The following NBAS variants were observed in gnomAD, a reference collection of about 807,000 sequenced individuals.
NBAS encodes NAG/BC035112 fusion.
NBAS carries 219 observed loss-of-function variants against 302.5 expected under a neutral mutation model. The observed-to-expected ratio is 0.72, with a 90% CI of 0.65 to 0.81. NBAS has a LOEUF of 0.81. Ranked by LOEUF, NBAS falls within the 30% of genes least tolerant of loss-of-function variation. The pLI is 0.00. For synonymous variants in NBAS, 1,118 were observed against 1,021.6 expected (o/e 1.09, Z -1.80); for missense variants, 2,932 against 2,841.6 (o/e 1.03, Z -0.72).
At chr2:15,106,777 G>T in the NBAS span, among the ~76,000 whole-genome samples, 50 of 152,126 alleles carry the variant, frequency 3.3e-4, no homozygotes, top group African/African-American at 1.2e-3. Flanking sequence ...GCAGGTAGAG[G>T]GAGCATTAGG....
At chr2:14,838,818 G>C in the NBAS span, among the ~76,000 whole-genome samples, 1 of 151,548 alleles carries the variant, frequency 6.6e-6, no homozygotes, top group Non-Finnish European at 1.5e-5. Flanking sequence ...TTACAAAATA[G>C]AAAGAAAGGT....
chr2:15,495,087 A>G (rs183083986), intron 11 of NBAS, among the ~76,000 whole-genome samples: 35 of 152,286 alleles, frequency 2.3e-4, no homozygotes, highest in African/African-American at 7.7e-4. Flanking sequence ...AATGCTGACC[A>G]GGCACTTGAT....
At chr2:15,177,470 A>C (rs749901702) in intron 51 of NBAS, among the ~76,000 whole-genome samples, 4 of 152,218 alleles carry the variant, frequency 2.6e-5, no homozygotes, top group Non-Finnish European at 4.4e-5. Context: ...AATCTTTAAA[A>C]TGAAAACTGA....
chr2:15,190,493 T>C (rs1021814806), intron 48 of NBAS, 90 bp from the exon 49 acceptor site: 4 of 1,432,108 alleles, frequency 2.8e-6, no homozygotes, highest in African/African-American at 1.4e-5. Context: ...TTAAACTTTT[T>C]TTTAAAATGT....
chr2:15,224,028 C>T (rs532274301), intron 47 of NBAS, among the ~76,000 whole-genome samples: 44 of 151,998 alleles, frequency 2.9e-4, no homozygotes, highest in Non-Finnish European at 5.3e-4. Context: ...AGTTTTGGTC[C>T]GAAAGATAGG....
chr2:15,198,539 G>A (rs2125157789), intron 48 of NBAS, among the ~76,000 whole-genome samples: 1 of 152,242 alleles, frequency 6.6e-6, no homozygotes, highest in East Asian at 1.9e-4. Context: ...GCTCATGAAG[G>A]TGAACTGTGG....
At chr2:14,943,942 T>A in the NBAS span, among the ~76,000 whole-genome samples, 1 of 152,164 alleles carries the variant, frequency 6.6e-6, no homozygotes, top group Non-Finnish European at 1.5e-5. Flanking sequence ...GTCCACAAAG[T>A]TCCCCCTGCT....
At chr2:15,240,604 G>A (rs1338610163) in intron 44 of NBAS, among the ~76,000 whole-genome samples, 3 of 152,048 alleles carry the variant, frequency 2.0e-5, no homozygotes, top group Non-Finnish European at 4.4e-5. Flanking sequence ...GAGACAAAGT[G>A]AGACTCCGTC....
chr2:14,844,542 G>T, the NBAS span, among the ~76,000 whole-genome samples: 1 of 152,198 alleles, frequency 6.6e-6, no homozygotes, highest in African/African-American at 2.4e-5. Flanking sequence ...AGGGGACTTT[G>T]TTTTGCACCT....
chr2:15,134,360 C>T, the NBAS span, among the ~76,000 whole-genome samples: 133 of 152,292 alleles, frequency 8.7e-4, 1 homozygote, highest in Admixed American at 2.0e-3. Flanking sequence ...CTTCAGACTT[C>T]CAGCTTCCAG....
chr2:15,144,479 T>C, the NBAS span, among the ~76,000 whole-genome samples: 2 of 152,232 alleles, frequency 1.3e-5, no homozygotes, highest in Admixed American at 1.3e-4. Flanking sequence ...ATTCATAAAA[T>C]GTGTATTGAG....
chr2:14,793,894 G>C, the NBAS span, among the ~76,000 whole-genome samples: 1 of 152,008 alleles, frequency 6.6e-6, no homozygotes, highest in African/African-American at 2.4e-5. Context: ...GAAGGAAAAG[G>C]CACAATATTT....
At chr2:15,362,094 A>C (rs761726830) in intron 32 of NBAS, among the ~76,000 whole-genome samples, 18 of 152,086 alleles carry the variant, frequency 1.2e-4, no homozygotes, top group Non-Finnish European at 2.4e-4. Context: ...GGGTTGAATA[A>C]AACTTTTAAA....
chr2:14,842,722 T>C, the NBAS span, among the ~76,000 whole-genome samples: 1 of 151,898 alleles, frequency 6.6e-6, no homozygotes, highest in Non-Finnish European at 1.5e-5. Flanking sequence ...ACTGCTGAAT[T>C]CTACCAAACA....
chr2:15,495,599 A>C (rs1416337217), intron 11 of NBAS, among the ~76,000 whole-genome samples: 1 of 152,128 alleles, frequency 6.6e-6, no homozygotes, highest in Admixed American at 6.6e-5. Context: ...TAAACAGATA[A>C]ACCTAAGCCA....
Position 15,322,453 on chromosome 2 carries a change from G to A in NBAS, c.4582+5297C>T, listed in dbSNP as rs933189252. ...GAAATCTATGCTTAAGCCTTCAAGC[G>A]CTAATTCTGTGCAAAGTAAGTGCCT... is the stretch of plus-strand genomic sequence containing the variant. On this transcript the variant is annotated intron_variant, in intron 38 of 51. Coordinates refer to ENST00000281513, the MANE Select transcript of NBAS (RefSeq NM_015909.4). Among the ~76,000 whole-genome samples the A allele has an allele frequency of 2.6e-5, 4 of 152,040 alleles. No homozygotes were observed. The South Asian group carries it at 6.2e-4, about 24-fold the overall frequency.
rs561462692 is a variant in NBAS, at chr2:15,544,418, G to A, written c.380-5062C>T. Among the ~76,000 whole-genome samples, 90 of 152,090 alleles carry A rather than the reference G, an allele frequency of 5.9e-4. No individual in the cohort carries two copies. In the South Asian group the frequency reaches 9.8e-3, roughly 17 times the overall value. Reference sequence around the variant, plus strand: ...GCAGGGAAGGGAGGAAGGGAAGAAGGGAGGGAGGGAATTCTCTATGGGAAA... The same window carrying A: ...GCAGGGAAGGGAGGAAGGGAAGAAGAGAGGGAGGGAATTCTCTATGGGAAA... On this transcript the variant is annotated intron_variant, in intron 6 of 51. Coordinates refer to ENST00000281513, the MANE Select transcript of NBAS (RefSeq NM_015909.4).
At chr2:15,470,023 G>C (rs979681122) in intron 16 of NBAS, among the ~76,000 whole-genome samples, 8 of 151,920 alleles carry the variant, frequency 5.3e-5, no homozygotes, top group African/African-American at 1.7e-4. Context: ...AAAAATCCCT[G>C]ACTTGCCCTC....
intron 51 of NBAS, among the ~76,000 whole-genome samples, chr2:15,175,118 C>T (rs1387795232): frequency 6.6e-6 from 1 of 152,150 alleles, no homozygotes; most frequent in African/African-American, 2.4e-5. Flanking sequence ...AGGCACCCAC[C>T]ACCACAACTG....
Sources: gnomAD v4.1 joint callset for allele counts (sites outside exome capture counted in the v4.1 genomes callset) on GRCh38, gnomAD v4.1.1 for gene constraint, MANE v1.5 for transcripts, NCBI Gene and HGNC (gene_info 2026-07-23, HGNC 2026-07-21) for gene names.